THSD7B: variants seen among roughly 807,000 people sequenced by gnomAD.
THSD7B encodes the protein thrombospondin type-1 domain-containing protein 7B.
Under a neutral mutation model 213.6 loss-of-function variants are expected in THSD7B, and 138 were observed. That is an observed-to-expected ratio of 0.65 (90% confidence interval 0.56 to 0.74). The LOEUF (loss-of-function observed/expected upper bound fraction) is 0.74. Ranked by LOEUF, THSD7B falls within the 30% of genes least tolerant of loss-of-function variation. THSD7B has a pLI of 0.00. For missense variants in THSD7B, 1,931 were observed against 1,991.5 expected (o/e 0.97, Z 0.58); for synonymous variants, 742 against 687.0 (o/e 1.08, Z -1.25).
chr2:137,363,877 C>A (rs1207797130), intron 12 of THSD7B, among the ~76,000 whole-genome samples: 6 of 152,206 alleles, frequency 3.9e-5, no homozygotes, highest in Non-Finnish European at 5.9e-5. Flanking sequence ...GGAATCCCCC[C>A]TAACTCATTT....
chr2:137,645,999 C>CA (rs534650401), intron 21 of THSD7B, among the ~76,000 whole-genome samples: 3 of 151,648 alleles, frequency 2.0e-5, no homozygotes, highest in Non-Finnish European at 2.9e-5. Context: ...CACTTTTCTC[C>CA]AAAAAAAATG....
chr2:136,897,495 C>A (rs1683980827), intron 2 of THSD7B, among the ~76,000 whole-genome samples: 1 of 152,142 alleles, frequency 6.6e-6, no homozygotes, highest in Non-Finnish European at 1.5e-5. Flanking sequence ...AGTGAAGCCG[C>A]AGACCCTCGT....
chr2:136,927,890 G>A (rs1429398852), intron 2 of THSD7B, among the ~76,000 whole-genome samples: 2 of 152,136 alleles, frequency 1.3e-5, no homozygotes, highest in African/African-American at 2.4e-5. Context: ...CCCTTTGATT[G>A]CCTTATAAAG....
intron 15 of THSD7B, among the ~76,000 whole-genome samples, chr2:137,513,646 A>G (rs1013252406): frequency 6.6e-6 from 1 of 152,234 alleles, no homozygotes; most frequent in Non-Finnish European, 1.5e-5. Flanking sequence ...TCATTAAAAA[A>G]GTTATTATTA....
chr2:136,870,771 G>A (rs1352941306), intron 1 of THSD7B, among the ~76,000 whole-genome samples: 1 of 152,158 alleles, frequency 6.6e-6, no homozygotes, highest in African/African-American at 2.4e-5. Flanking sequence ...AAAGGAGGAA[G>A]GAGAAGAGGT....
At chr2:136,935,816 C>T (rs867332493) in intron 2 of THSD7B, among the ~76,000 whole-genome samples, 2 of 151,020 alleles carry the variant, frequency 1.3e-5, no homozygotes, top group African/African-American at 4.9e-5. Context: ...ACAATTATGG[C>T]CAGGTATGCT....
intron 7 of THSD7B, among the ~76,000 whole-genome samples, chr2:137,201,513 T>A (rs368610839): frequency 6.6e-6 from 1 of 152,326 alleles, no homozygotes; most frequent in Admixed American, 6.5e-5. Context: ...ATAATGCCTG[T>A]ATTAATTTAC....
At chr2:137,581,829 G>A (rs1681586973) in intron 17 of THSD7B, among the ~76,000 whole-genome samples, 1 of 151,188 alleles carries the variant, frequency 6.6e-6, no homozygotes. Context: ...TGGGCATGGT[G>A]GCTTATACCT....
At chr2:137,242,327 G>C in intron 9 of THSD7B, 130 bp from the exon 10 acceptor site, 1 of 637,702 alleles carries the variant, frequency 1.6e-6, no homozygotes, top group Non-Finnish European at 2.7e-6. Flanking sequence ...TCACCTCCAG[G>C]AGTCTCTCTT....
intron 2 of THSD7B, among the ~76,000 whole-genome samples, chr2:136,937,698 A>C (rs1217577943): frequency 6.6e-6 from 1 of 152,130 alleles, no homozygotes; most frequent in Non-Finnish European, 1.5e-5. Flanking sequence ...TATCTGCTTC[A>C]TACAATTGCC....
chr2:137,345,137 C>A (rs1489297559), intron 12 of THSD7B, among the ~76,000 whole-genome samples: 1 of 151,652 alleles, frequency 6.6e-6, no homozygotes, highest in African/African-American at 2.4e-5. Flanking sequence ...AATCTAATGG[C>A]AAATCTTAAT....
At chr2:137,245,530 C>A (rs1682009273) in intron 10 of THSD7B, among the ~76,000 whole-genome samples, 1 of 152,286 alleles carries the variant, frequency 6.6e-6, no homozygotes, top group East Asian at 1.9e-4. Context: ...ATCTACCAGA[C>A]TACTGTAGAC....
intron 27 of THSD7B, among the ~76,000 whole-genome samples, chr2:137,672,727 A>G (rs188634263): frequency 6.6e-5 from 10 of 152,234 alleles, no homozygotes; most frequent in African/African-American, 2.4e-4. Context: ...TTTGGTGTAT[A>G]CTTCAGATGA....
intron 10 of THSD7B, among the ~76,000 whole-genome samples, chr2:137,254,064 A>T (rs1249236914): frequency 6.6e-6 from 1 of 152,348 alleles, no homozygotes; most frequent in East Asian, 1.9e-4. Flanking sequence ...AATGAAATAG[A>T]TTGCTCATGG....
At chr2:136,819,599 A>G (rs1682537427) in intron 1 of THSD7B, among the ~76,000 whole-genome samples, 2 of 152,132 alleles carry the variant, frequency 1.3e-5, no homozygotes, top group South Asian at 4.1e-4. Flanking sequence ...ACCATGAAAC[A>G]TGGGACTTGG....
chr2:137,673,434 C>G (rs60990849), intron 27 of THSD7B, among the ~76,000 whole-genome samples: 40,439 of 152,086 alleles, frequency 0.27, 5,456 homozygotes, highest in Middle Eastern at 0.35. Flanking sequence ...AGATGTCCAC[C>G]TGGGCACAGG....
At chr2:137,392,287 A>C (rs1157518368) in intron 12 of THSD7B, among the ~76,000 whole-genome samples, 1 of 152,188 alleles carries the variant, frequency 6.6e-6, no homozygotes. Context: ...TCCAATTCAC[A>C]TCCATTGTTT....
intron 7 of THSD7B, among the ~76,000 whole-genome samples, chr2:137,199,199 T>A (rs1164484605): frequency 6.6e-6 from 1 of 152,200 alleles, no homozygotes; most frequent in Non-Finnish European, 1.5e-5. Context: ...TAAGAAAACA[T>A]GTTTTTAAAA....
intron 2 of THSD7B, among the ~76,000 whole-genome samples, chr2:136,983,079 A>T (rs966158375): frequency 4.6e-5 from 4 of 86,626 alleles, no homozygotes; most frequent in Non-Finnish European, 1.0e-4. Flanking sequence ...GTTTAAAATT[A>T]AAAAAAAAAA....
Sources: gnomAD v4.1 joint callset for allele counts (sites outside exome capture counted in the v4.1 genomes callset) on GRCh38, gnomAD v4.1.1 for gene constraint, MANE v1.5 for transcripts, NCBI Gene and HGNC (gene_info 2026-07-23, HGNC 2026-07-21) for gene names.